The following CLEC14A variants were observed in gnomAD, a reference collection of about 807,000 sequenced individuals.
The protein encoded by CLEC14A is C-type lectin domain containing 14A.
For missense variants in CLEC14A, 682 were observed against 659.9 expected (o/e 1.03, Z -0.37); for synonymous variants, 349 against 292.0 (o/e 1.20, Z -1.99).
chr14:38,255,983 G>C lies in CLEC14A; in HGVS notation c.40C>G (p.Leu14Val). Residue 14 changes from leucine (L) to valine (V), a missense_variant, in exon 1 of 1, where the codon CTC becomes GTC. Physicochemically the swap from Leu to Val is conservative, Grantham distance 32 (BLOSUM62 1). Coordinates refer to ENST00000342213, the MANE Select transcript of CLEC14A (RefSeq NM_175060.3). This position sits in a 1 kb window ranked among gnomAD's most constrained non-coding sequence, Gnocchi z 5.1. ...TCGCCGCCGCCCGGCCCGGGCCAGA[G>C]CGCCTGCCAGAGGAGGCACAGGGCG... ...AFALCLLWQA[L>V]WPGPGGGEHP... The C allele has an allele frequency of 6.5e-7, 1 of 1,541,430 alleles. No individual in the cohort carries two copies. Among genetic ancestry groups the C allele is most frequent in the East Asian group, 2.5e-5 (1 of 40,350 alleles).
Position 38,256,002 on chromosome 14 carries a change from C to T in CLEC14A, c.21G>A (p.Leu7=). 1 of 1,533,988 alleles carries T rather than the reference C, an allele frequency of 6.5e-7. No homozygotes were observed. Among genetic ancestry groups the T allele is most frequent in the Non-Finnish European group, 8.8e-7 (1 of 1,140,792 alleles). Residue 7 remains leucine (L), a synonymous_variant, in exon 1 of 1, where the codon CTG becomes CTA. Transcript: ENST00000342213. MRPAFA[L]CLLWQALWPG... is the part of the protein sequence containing the mutation. The stretch of plus-strand genomic sequence containing the variant: ...GCCAGAGCGCCTGCCAGAGGAGGCA[C>T]AGGGCGAACGCCGGCCTCATTCTCT...
rs551796480 is a variant in CLEC14A, at chr14:38,254,285, C to G, written c.*265G>C. ...TGTCTTGAAAAGTTCAATCACTTCT[C>G]CAAATTCTCCGAATAAACATAAGAA... is the stretch of plus-strand genomic sequence containing the variant. On this transcript the variant is annotated 3_prime_UTR_variant, in exon 1 of 1. Transcript: ENST00000342213. 2.8e-6 allele frequency: 1 copy of G among 352,580 alleles called. No individual in the cohort carries two copies. The highest frequency in any genetic ancestry group is 4.3e-5 in the Admixed American group (1 of 23,018). The allele number at this position is 352,580 out of a possible 1,614,324, so 21.8% of individuals were successfully genotyped here.
chr14:38,255,823 C>A lies in CLEC14A; in HGVS notation c.200G>T (p.Gly67Val). The A allele has an allele frequency of 6.5e-7, 1 of 1,540,468 alleles. No homozygotes were observed. Among genetic ancestry groups the A allele is most frequent in the Non-Finnish European group, 8.7e-7 (1 of 1,148,718 alleles). ...CGCGAGCACAGCGCGCAGCTCGGCG[C>A]CCGCACGCACGGTGCTGAGCGCCCC... ...RGGALSTVRA[G>V]AELRAVLALL... is the part of the protein sequence containing the mutation. The change falls in exon 1 of 1, where the codon GGC becomes GTC. Residue 67 changes from glycine to valine, a missense_variant. Gly to Val is a moderately radical substitution (Grantham distance 109). Transcript: ENST00000342213. The surrounding 1 kb of genome is among the most constrained non-coding windows in gnomAD (Gnocchi z 5.1).
In CLEC14A at chr14:38,255,731, G is replaced by A; in HGVS notation, c.292C>T (p.Arg98Cys). The A allele has an allele frequency of 6.4e-7, 1 of 1,555,426 alleles. No homozygotes were observed. The highest frequency in any genetic ancestry group is 1.2e-5 in the South Asian group (1 of 85,680). ...TCCAGGGTGCAGTGGGAACGCCTGC[G>A]CTCCAGTGCGACCCAGAACAGCAGG... ...KDLLFWVALE[R>C]RRSHCTLENE... Residue 98 changes from arginine (R) to cysteine (C), a missense_variant, in exon 1 of 1, where the codon CGC (arginine) becomes TGC (cysteine). By Grantham distance (180) the Arg-to-Cys change is radical (BLOSUM62 -3). Transcript: ENST00000342213. This position sits in a 1 kb window ranked among gnomAD's most constrained non-coding sequence, Gnocchi z 5.1.
chr14:38,254,784 C>T lies in CLEC14A; in HGVS notation c.1239G>A (p.Leu413=), dbSNP rs559027633. ...TGACAAGCCCCAGTACTGTCATGGT[C>T]AAGATCACCAACACTACTACTGCTG... ...VSTAVVVLVI[L]TMTVLGLVKL... is the part of the protein sequence containing the mutation. Residue 413 remains leucine (L), a synonymous_variant, in exon 1 of 1, where the codon TTG becomes TTA. Transcript: ENST00000342213. The T allele has an allele frequency of 3.3e-5, 54 of 1,614,092 alleles. No individual in the cohort carries two copies. In the Admixed American group the frequency reaches 9.0e-4, roughly 27 times the overall value.
chr14:38,255,642 C>T lies in CLEC14A; in HGVS notation c.381G>A (p.Thr127=), dbSNP rs138784727. ...SSDPGGLESD[T]LQWVEEPQRS... is the part of the protein sequence containing the mutation. ...GTTGGGGCTCCTCCACCCACTGCAG[C>T]GTGTCGCTTTCGAGACCGCCGGGGT... Residue 127 remains threonine, a synonymous_variant, in exon 1 of 1, where the codon ACG becomes ACA. Transcript: ENST00000342213. The surrounding 1 kb of genome is among the most constrained non-coding windows in gnomAD (Gnocchi z 5.1). 1.7e-4 allele frequency: 275 copies of T among 1,607,910 alleles called. No homozygotes were observed. The highest frequency in any genetic ancestry group is 2.2e-4 in the Non-Finnish European group (265 of 1,179,376).
At position 38,255,043 on chromosome 14, in the gene CLEC14A, A is replaced by C; in HGVS notation, c.980T>G (p.Leu327Arg). Residue 327 changes from leucine to arginine, a missense_variant, in exon 1 of 1, where the codon CTG (leucine) becomes CGG (arginine). Physicochemically the swap from Leu to Arg is moderately radical, Grantham distance 102. Transcript: ENST00000342213. The surrounding 1 kb of genome is among the most constrained non-coding windows in gnomAD (Gnocchi z 5.1). ...TTCAGGGACAAGTGGTGTCTCTCCC[A>C]GCTTCTCGTCGACCCTGATTGGCCA... Reference protein sequence around the residue: ...RTWPIRVDEKLGETPLVPEQD... With the variant: ...RTWPIRVDEKRGETPLVPEQD... The C allele has an allele frequency of 6.2e-7, 1 of 1,613,416 alleles. No homozygotes were observed. Among genetic ancestry groups the C allele is most frequent in the Non-Finnish European group, 8.5e-7 (1 of 1,179,978 alleles).
Position 38,254,921 on chromosome 14 carries a change from C to A in CLEC14A, c.1102G>T (p.Ala368Ser), listed in dbSNP as rs1035864538. Reference sequence around the variant, plus strand: ...ACGCTCCCTGATGGGGTGATAGTGGCCTTTGACTCGGCTTGAAGGGACATT... The same window carrying A: ...ACGCTCCCTGATGGGGTGATAGTGGACTTTGACTCGGCTTGAAGGGACATT... ...LQMSLQAESK[A>S]TITPSGSVIS... is the part of the protein sequence containing the mutation. Residue 368 changes from alanine to serine, a missense_variant, in exon 1 of 1, where the codon GCC (alanine) becomes TCC (serine). Ala to Ser is a moderately conservative substitution (Grantham distance 99). Transcript: ENST00000342213. 3.1e-6 allele frequency: 5 copies of A among 1,614,058 alleles called. No individual in the cohort carries two copies. In the African/African-American group the frequency reaches 5.3e-5, roughly 17 times the overall value.
Position 38,255,856 on chromosome 14 carries a change from A to C in CLEC14A, c.167T>G (p.Leu56Arg). Residue 56 changes from leucine to arginine, a missense_variant, in exon 1 of 1, where the codon CTG becomes CGG. By Grantham distance (102) the Leu-to-Arg change is moderately radical (BLOSUM62 -2). Coordinates refer to ENST00000342213, the MANE Select transcript of CLEC14A (RefSeq NM_175060.3). The surrounding 1 kb of genome is among the most constrained non-coding windows in gnomAD (Gnocchi z 5.1). ...CACGGTGCTGAGCGCCCCACCTCGC[A>C]GGATGCAGGCCTCCTCGGCCGCCTG... ...KRQAAEEACI[L>R]RGGALSTVRA... 6.4e-7 allele frequency: 1 copy of C among 1,553,258 alleles called. No homozygotes were observed. The highest frequency in any genetic ancestry group is 8.6e-7 in the Non-Finnish European group (1 of 1,156,840).
In CLEC14A at chr14:38,254,826, G is replaced by A. The variant is rs1040140814; in HGVS notation, c.1197C>T (p.Val399=). 5.0e-6 allele frequency: 8 copies of A among 1,613,978 alleles called. No individual in the cohort carries two copies. The Admixed American group carries it at 1.0e-4, about 20-fold the overall frequency. ...PQAFDSSSAV[V]FIFVSTAVVV... Reference sequence around the variant, plus strand: ...CTACTGCTGTGCTCACAAATATGAAGACCACGGCAGAGGAGGAGTCGAAAG... The same window carrying A: ...CTACTGCTGTGCTCACAAATATGAAAACCACGGCAGAGGAGGAGTCGAAAG... Residue 399 remains valine, a synonymous_variant, in exon 1 of 1, where the codon GTC becomes GTT. Transcript: ENST00000342213.
chr14:38,254,522 C>G lies in CLEC14A; in HGVS notation c.*28G>C. 1 of 1,516,920 alleles carries G rather than the reference C, an allele frequency of 6.6e-7. No individual in the cohort carries two copies. Among genetic ancestry groups the G allele is most frequent in the East Asian group, 2.3e-5 (1 of 43,870 alleles). The allele number at this position is 1,516,920 out of a possible 1,614,324, so 94.0% of individuals were successfully genotyped here. ...GTTTCATCAAAAGTGAAAAACTGTT[C>G]ACAGGAGTGCCCATGTCCCCTGTTT... On this transcript the variant is annotated 3_prime_UTR_variant, in exon 1 of 1. Coordinates refer to ENST00000342213, the MANE Select transcript of CLEC14A (RefSeq NM_175060.3).
Position 38,255,164 on chromosome 14 carries a change from C to A in CLEC14A, c.859G>T (p.Val287Leu), listed in dbSNP as rs1446011562. The change falls in exon 1 of 1, where the codon GTG becomes TTG. Residue 287 changes from valine to leucine, a missense_variant. Physicochemically the swap from Val to Leu is conservative, Grantham distance 32. Transcript: ENST00000342213. This position sits in a 1 kb window ranked among gnomAD's most constrained non-coding sequence, Gnocchi z 5.1. ...GTCGGCTGTCCTTCCCCACTGGTCACACAAGAGCGGCCGTCCTTCCCCAGC... is the reference window on the plus strand; with the variant it reads ...GTCGGCTGTCCTTCCCCACTGGTCAAACAAGAGCGGCCGTCCTTCCCCAGC... ...FELGKDGRSCVTSGEGQPTLG... is the reference protein window; with the variant it reads ...FELGKDGRSCLTSGEGQPTLG... 6.2e-7 allele frequency: 1 copy of A among 1,613,564 alleles called. No homozygotes were observed. The highest frequency in any genetic ancestry group is 8.5e-7 in the Non-Finnish European group (1 of 1,180,052).
chr14:38,254,975 C>T lies in CLEC14A; in HGVS notation c.1048G>A (p.Gly350Arg). The T allele has an allele frequency of 6.2e-7, 1 of 1,614,134 alleles. No individual in the cohort carries two copies. Among genetic ancestry groups the T allele is most frequent in the Non-Finnish European group, 8.5e-7 (1 of 1,180,032 alleles). ...AGGGTAGACATCGTGCTCTGTGATC[C>T]CCATCGAGGAATCTCAGGAATAGAT... ...VTSIPEIPRW[G>R]SQSTMSTLQM... Residue 350 changes from glycine (G) to arginine (R), a missense_variant, in exon 1 of 1, where the codon GGA becomes AGA. Gly to Arg is a moderately radical substitution (Grantham distance 125, BLOSUM62 -2). Coordinates refer to ENST00000342213, the MANE Select transcript of CLEC14A (RefSeq NM_175060.3).
In CLEC14A at chr14:38,255,305, C is replaced by A; in HGVS notation, c.718G>T (p.Gly240Cys). Residue 240 changes from glycine to cysteine, a missense_variant, in exon 1 of 1, where the codon GGC (glycine) becomes TGC (cysteine). By Grantham distance (159) the Gly-to-Cys change is radical (BLOSUM62 -3). Coordinates refer to ENST00000342213, the MANE Select transcript of CLEC14A (RefSeq NM_175060.3). The surrounding 1 kb of genome is among the most constrained non-coding windows in gnomAD (Gnocchi z 5.1). ...CCGGGGCAGGGACACAACACATCGC[C>A]CGAGAGTTTGTCCCAGCGAGCGCCG... The part of the protein sequence containing the change: ...EIGARWDKLS[G>C]DVLCPCPGRY... The A allele has an allele frequency of 6.2e-7, 1 of 1,613,722 alleles. No individual in the cohort carries two copies. The highest frequency in any genetic ancestry group is 8.5e-7 in the Non-Finnish European group (1 of 1,180,042).
rs1218226610 is a variant in CLEC14A at position 38,255,829 on chromosome 14, C to A, written c.194G>T (p.Arg65Leu). The part of the protein sequence containing the change: ...ILRGGALSTV[R>L]AGAELRAVLA... Reference sequence around the variant, plus strand: ...CACAGCGCGCAGCTCGGCGCCCGCACGCACGGTGCTGAGCGCCCCACCTCG... The same window carrying A: ...CACAGCGCGCAGCTCGGCGCCCGCAAGCACGGTGCTGAGCGCCCCACCTCG... Residue 65 changes from arginine (R) to leucine (L), a missense_variant, in exon 1 of 1, where the codon CGT becomes CTT. By Grantham distance (102) the Arg-to-Leu change is moderately radical. Coordinates refer to ENST00000342213, the MANE Select transcript of CLEC14A (RefSeq NM_175060.3). This position sits in a 1 kb window ranked among gnomAD's most constrained non-coding sequence, Gnocchi z 5.1. The A allele has an allele frequency of 1.3e-6, 2 of 1,542,396 alleles. No individual in the cohort carries two copies. Among genetic ancestry groups the A allele is most frequent in the African/African-American group, 1.4e-5 (1 of 73,392 alleles).
Position 38,254,990 on chromosome 14 carries a change from C to G in CLEC14A, c.1033G>C (p.Glu345Gln). The G allele has an allele frequency of 6.2e-7, 1 of 1,614,142 alleles. No individual in the cohort carries two copies. The highest frequency in any genetic ancestry group is 8.5e-7 in the Non-Finnish European group (1 of 1,180,034). Residue 345 changes from glutamate to glutamine, a missense_variant, in exon 1 of 1, where the codon GAG (glutamate) becomes CAG (glutamine). Physicochemically the swap from Glu to Gln is conservative, Grantham distance 29. Transcript: ENST00000342213. Reference protein sequence around the residue: ...EQDNSVTSIPEIPRWGSQSTM... With the variant: ...EQDNSVTSIPQIPRWGSQSTM... ...CTCTGTGATCCCCATCGAGGAATCT[C>G]AGGAATAGATGTTACTGAATTGTCT...
At position 38,254,058 on chromosome 14, in the gene CLEC14A, C is replaced by A. The variant is rs981110222; in HGVS notation, c.*492G>T. 6.6e-6 allele frequency: 1 copy of A among 152,288 alleles called. No individual in the cohort carries two copies. The highest frequency in any genetic ancestry group is 2.4e-5 in the African/African-American group (1 of 41,440). The allele number at this position is 152,288 out of a possible 1,614,324, so 9.4% of individuals were successfully genotyped here. On this transcript the variant is annotated 3_prime_UTR_variant, in exon 1 of 1. Coordinates refer to ENST00000342213, the MANE Select transcript of CLEC14A (RefSeq NM_175060.3). ...TTGCTGCTTACTCCCAGCATGCCCT[C>A]AGCTGTTCCTAATTACTCCTGGAGG...
In CLEC14A at chr14:38,254,881, T is replaced by G; in HGVS notation, c.1142A>C (p.Asn381Thr). The change falls in exon 1 of 1, where the codon AAT (asparagine) becomes ACT (threonine). Residue 381 changes from asparagine (N) to threonine (T), a missense_variant. Physicochemically the swap from Asn to Thr is moderately conservative, Grantham distance 65. Transcript: ENST00000342213. ...TPSGSVISKF[N>T]STTSSATPQA... ...AGGAGTGGCAGAGGAAGTCGTAGAA[T>G]TAAACTTGGAAATCACGCTCCCTGA... 1 of 1,614,102 alleles carries G rather than the reference T, an allele frequency of 6.2e-7. No individual in the cohort carries two copies. Among genetic ancestry groups the G allele is most frequent in the Non-Finnish European group, 8.5e-7 (1 of 1,180,000 alleles).
In CLEC14A at chr14:38,255,862, C is replaced by G; in HGVS notation, c.161G>C (p.Cys54Ser). The change falls in exon 1 of 1, where the codon TGC becomes TCC. Residue 54 changes from cysteine to serine, a missense_variant. Cys to Ser is a moderately radical substitution (Grantham distance 112). Coordinates refer to ENST00000342213, the MANE Select transcript of CLEC14A (RefSeq NM_175060.3). This position sits in a 1 kb window ranked among gnomAD's most constrained non-coding sequence, Gnocchi z 5.1. Reference sequence around the variant, plus strand: ...GCTGAGCGCCCCACCTCGCAGGATGCAGGCCTCCTCGGCCGCCTGCCGCTT... The same window carrying G: ...GCTGAGCGCCCCACCTCGCAGGATGGAGGCCTCCTCGGCCGCCTGCCGCTT... The part of the protein sequence containing the change: ...TMKRQAAEEA[C>S]ILRGGALSTV... 6.4e-7 allele frequency: 1 copy of G among 1,554,340 alleles called. No individual in the cohort carries two copies.
Sources: allele counts gnomAD v4.1 joint callset, GRCh38; gene constraint gnomAD v4.1.1; non-coding constraint Gnocchi (gnomAD v3.1); transcripts MANE v1.5; gene names NCBI Gene and HGNC (gene_info 2026-07-23, HGNC 2026-07-21).